The following SAFB2 variants were observed in gnomAD, a reference collection of about 807,000 sequenced individuals.
SAFB2 encodes the protein scaffold attachment factor B2.
In SAFB2, 32 loss-of-function variants were observed where a neutral mutation model predicts 100.6. That is an observed-to-expected ratio of 0.32 (90% confidence interval 0.24 to 0.43). SAFB2 has a LOEUF of 0.43. Ranked by LOEUF, SAFB2 falls within the 20% of genes least tolerant of loss-of-function variation. The pLI, the probability that SAFB2 is intolerant of heterozygous loss-of-function variation, is 1.00. For synonymous variants in SAFB2, 500 were observed against 439.4 expected, an observed-to-expected ratio of 1.14 and a Z score of -1.72; for missense variants, 1,185 against 1,163.4, an observed-to-expected ratio of 1.02 and a Z score of -0.27.
chr19:5,618,484 G>A (rs1317770522), intron 2 of SAFB2, among the ~76,000 whole-genome samples: 1 of 152,232 alleles, frequency 6.6e-6, no homozygotes, highest in East Asian at 1.9e-4. Context: ...CTCGCAACGT[G>A]AGCTTTTTCC....
chr19:5,598,968 C>T, intron 12 of SAFB2, 84 bp from the exon 13 acceptor site: 1 of 1,219,188 alleles, frequency 8.2e-7, no homozygotes, highest in Non-Finnish European at 1.2e-6. Context: ...GGACCCTGGG[C>T]TTTTGAACAC....
chr19:5,606,743 C>A (rs553844807), intron 9 of SAFB2, among the ~76,000 whole-genome samples: 1 of 152,006 alleles, frequency 6.6e-6, no homozygotes, highest in African/African-American at 2.4e-5. Flanking sequence ...AATTCTATAC[C>A]CAGTGAAAAT....
Position 5,592,828 on chromosome 19 carries a change from G to C in SAFB2, c.2267C>G (p.Ala756Gly). 6.2e-7 allele frequency: 1 copy of C among 1,614,160 alleles called. No individual in the cohort carries two copies. The highest frequency in any genetic ancestry group is 8.5e-7 in the Non-Finnish European group (1 of 1,180,028). Reference sequence around the variant, plus strand: ...GCGGTGGTCTGGCCGGGGAAAGTCTGCACGATATCGGTCCTCCATTGCCAC... The same window carrying C: ...GCGGTGGTCTGGCCGGGGAAAGTCTCCACGATATCGGTCCTCCATTGCCAC... ...KRVAMEDRYRADFPRPDHRFH... is the reference protein window; with the variant it reads ...KRVAMEDRYRGDFPRPDHRFH... The change falls in exon 16 of 21, where the codon GCA becomes GGA. Residue 756 changes from alanine to glycine, a missense_variant. Coordinates refer to ENST00000252542, the MANE Select transcript of SAFB2 (RefSeq NM_014649.3).
chr19:5,600,460 T>C (rs1003026126), intron 11 of SAFB2, among the ~76,000 whole-genome samples, 200 bp from the exon 12 acceptor site: 3 of 152,202 alleles, frequency 2.0e-5, no homozygotes, highest in African/African-American at 7.2e-5. Flanking sequence ...CCACTTCTAG[T>C]ATGTGCTGAA....
At chr19:5,613,435 C>G (rs1195471260) in intron 5 of SAFB2, 30 bp downstream of exon 5, 11 of 1,584,542 alleles carry the variant, frequency 6.9e-6, no homozygotes, top group South Asian at 2.2e-5. Context: ...ATTAACATTT[C>G]CAGCGATGCA....
At position 5,590,139 on chromosome 19, in the gene SAFB2, T is replaced by C. The variant is rs2052359452; in HGVS notation, c.2525+139A>G. ...AACCTGGACTTTCTGAGTCAGGGGT[T>C]TCAAATGGCAGGACCCCTGGTAGCC... On this transcript the variant is annotated intron_variant, in intron 18 of 20. Coordinates refer to ENST00000252542, the MANE Select transcript of SAFB2 (RefSeq NM_014649.3). The C allele has an allele frequency of 1.1e-5, 8 of 732,064 alleles. No individual in the cohort carries two copies. In the South Asian group the frequency reaches 1.9e-4, roughly 18 times the overall value. 45.3% of individuals were successfully genotyped at this position (732,064 alleles called of 1,614,324 possible). A position where few individuals can be genotyped will look rare whatever the true frequency, so the allele number is the denominator to read the frequency against.
At chr19:5,614,712 A>C (rs945239211) in intron 4 of SAFB2, among the ~76,000 whole-genome samples, 2 of 152,214 alleles carry the variant, frequency 1.3e-5, no homozygotes, top group Non-Finnish European at 2.9e-5. Flanking sequence ...GCTCGAAGAC[A>C]CTGACAGCTT....
rs773560631 is a variant in SAFB2 at position 5,587,574 on chromosome 19, T to G, written c.2705+127A>C. ...ACTCAAGAGCGTTATTTGCATAAAT[T>G]GCAAAGAGCTGCTTTTTGCTTTGTT... On this transcript the variant is annotated intron_variant, in intron 20 of 20. Coordinates refer to ENST00000252542, the MANE Select transcript of SAFB2 (RefSeq NM_014649.3). The surrounding 1 kb of genome is among the most constrained non-coding windows in gnomAD (Gnocchi z 4.9). The G allele has an allele frequency of 8.3e-6, 12 of 1,449,570 alleles. No individual in the cohort carries two copies. The highest frequency in any genetic ancestry group is 1.1e-5 in the Non-Finnish European group (12 of 1,091,398). 89.8% of individuals were successfully genotyped at this position (1,449,570 alleles called of 1,614,324 possible). A position where few individuals can be genotyped will look rare whatever the true frequency, so the allele number is the denominator to read the frequency against.
intron 13 of SAFB2, 25 bp from the exon 14 acceptor site, chr19:5,595,522 A>G (rs760254330): frequency 1.2e-6 from 2 of 1,610,808 alleles, no homozygotes; most frequent in Non-Finnish European, 8.5e-7. Context: ...TGGTTTATTA[A>G]TGTCAGGAAA....
intron 15 of SAFB2, among the ~76,000 whole-genome samples, chr19:5,593,437 A>C (rs1385533849): frequency 2.0e-5 from 3 of 152,104 alleles, no homozygotes; most frequent in African/African-American, 7.2e-5. Context: ...GTAGCTAGAG[A>C]CCAATAAACC....
In SAFB2 at chr19:5,594,114, G is replaced by A. The variant is rs1449996175; in HGVS notation, c.1984C>T (p.Arg662Trp). The A allele has an allele frequency of 5.0e-6, 8 of 1,601,490 alleles. No individual in the cohort carries two copies. Among genetic ancestry groups the A allele is most frequent in the Non-Finnish European group, 6.8e-6 (8 of 1,178,406 alleles). ...EAFHERKEKA[R>W]LQRERLQLEC... ...AGCTGCAGGCGTTCCCGCTGTAGCC[G>A]GGCCTTCTCCTTCCGCTCATGGAAG... The change falls in exon 15 of 21, where the codon CGG (arginine) becomes TGG (tryptophan). Residue 662 changes from arginine to tryptophan, a missense_variant. Physicochemically the swap from Arg to Trp is moderately radical, Grantham distance 101. Coordinates refer to ENST00000252542, the MANE Select transcript of SAFB2 (RefSeq NM_014649.3).
chr19:5,601,283 C>A (rs1205532951), intron 11 of SAFB2, among the ~76,000 whole-genome samples: 1 of 152,174 alleles, frequency 6.6e-6, no homozygotes, highest in Non-Finnish European at 1.5e-5. Flanking sequence ...CCAGGGTGGC[C>A]TTAGTGTCAA....
At position 5,587,428 on chromosome 19, in the gene SAFB2, C is replaced by A. The variant is rs1197939862; in HGVS notation, c.2706-29G>T. 6.3e-7 allele frequency: 1 copy of A among 1,587,212 alleles called. No individual in the cohort carries two copies. Among genetic ancestry groups the A allele is most frequent in the East Asian group, 2.3e-5 (1 of 43,852 alleles). On this transcript the variant is annotated intron_variant, in intron 20 of 20. Coordinates refer to ENST00000252542, the MANE Select transcript of SAFB2 (RefSeq NM_014649.3). The surrounding 1 kb of genome is among the most constrained non-coding windows in gnomAD (Gnocchi z 4.9). ...GGAACAAAGTCAGACAATTTTTTTC[C>A]CCTTGAAGTGCTCAGCGTTTTCATC...
intron 14 of SAFB2, among the ~76,000 whole-genome samples, chr19:5,595,018 T>G (rs911111279): frequency 6.6e-6 from 1 of 152,046 alleles, no homozygotes; most frequent in African/African-American, 2.4e-5. Context: ...CCAGCTAATT[T>G]TTAAATATTT....
Position 5,587,317 on chromosome 19 carries a change from G to A in SAFB2, c.2788C>T (p.Gln930Ter). Residue 930 changes from glutamine (Q) to a stop codon, truncating the protein, a stop_gained, in exon 21 of 21, where the codon CAG (glutamine) becomes TAG (stop). Coordinates refer to ENST00000252542, the MANE Select transcript of SAFB2 (RefSeq NM_014649.3). LOFTEE classifies it high-confidence loss of function. This position sits in a 1 kb window ranked among gnomAD's most constrained non-coding sequence, Gnocchi z 4.9. The stretch of plus-strand genomic sequence containing the variant: ...TGAGGGACTCTGCTGCCCCGGTCCT[G>A]GCTGGCCACTCCGCCACCTTCCAGT... Reference protein sequence around the residue: ...GGLEGGGVASQDRGSRVPHPH... With the variant: ...GGLEGGGVAS 6.2e-7 allele frequency: 1 copy of A among 1,612,868 alleles called. No homozygotes were observed. Among genetic ancestry groups the A allele is most frequent in the Non-Finnish European group, 8.5e-7 (1 of 1,179,648 alleles).
intron 12 of SAFB2, among the ~76,000 whole-genome samples, chr19:5,599,328 T>C (rs1387929272): frequency 6.6e-6 from 1 of 152,148 alleles, no homozygotes; most frequent in Non-Finnish European, 1.5e-5. Flanking sequence ...CTTCCCTCCA[T>C]TCATCTCCAG....
At chr19:5,593,196 T>C (rs1182188116) in intron 15 of SAFB2, among the ~76,000 whole-genome samples, 1 of 152,216 alleles carries the variant, frequency 6.6e-6, no homozygotes, top group Admixed American at 6.5e-5. Context: ...AAAAGAAATA[T>C]TTGATTCTTC....
Position 5,621,395 on chromosome 19 carries a change from G to T in SAFB2, c.188C>A (p.Ala63Glu). The change falls in exon 2 of 21, where the codon GCG becomes GAG. Residue 63 changes from alanine to glutamate, a missense_variant and splice_region_variant. Transcript: ENST00000252542. The part of the protein sequence containing the change: ...KSVLMERLKK[A>E]VKEEGQDPDE... ...AGGATCTTGCCCCTCTTCTTTAACC[G>T]CCTATTAGGGAGAGATGAGTTTTAC... The T allele has an allele frequency of 6.2e-7, 1 of 1,601,208 alleles. No homozygotes were observed. The highest frequency in any genetic ancestry group is 8.6e-7 in the Non-Finnish European group (1 of 1,168,388).
At chr19:5,621,194 A>G (rs2145367265) in intron 2 of SAFB2, 115 bp downstream of exon 2, 1 of 731,826 alleles carries the variant, frequency 1.4e-6, no homozygotes, top group East Asian at 2.5e-5. Flanking sequence ...CTCTTAGTGG[A>G]GGGACACCGA....
Sources: allele counts gnomAD v4.1 joint callset (sites outside exome capture counted in the v4.1 genomes callset), GRCh38; gene constraint gnomAD v4.1.1; non-coding constraint Gnocchi (gnomAD v3.1); transcripts MANE v1.5; gene names NCBI Gene and HGNC (gene_info 2026-07-23, HGNC 2026-07-21).